Variants in NPIPB4 observed in about 807,000 individuals in gnomAD.
The protein encoded by NPIPB4 is nuclear pore complex interacting protein family member B4.
For missense variants in NPIPB4, 105 were observed against 513.7 expected (o/e 0.20, Z 7.69); for synonymous variants, 31 against 194.1 (o/e 0.16, Z 6.99).
intron 2 of NPIPB4, among the ~76,000 whole-genome samples, chr16:21,850,099 T>TA (rs1228659552): frequency 9.5e-6 from 1 of 104,912 alleles, no homozygotes; most frequent in East Asian, 2.6e-4. Flanking sequence ...CTATCTCTAC[T>TA]AAAAATACAA....
At chr16:21,845,880 TTAAAAACTTCCCC>T (rs1902088421) in intron 3 of NPIPB4, among the ~76,000 whole-genome samples, 1 of 129,566 alleles carries the variant, frequency 7.7e-6, no homozygotes, top group African/African-American at 3.0e-5. Context: ...AGTGGTAAAT[TTAAAAACTTCCCC>T]TGGCTCACGT....
intron 2 of NPIPB4, among the ~76,000 whole-genome samples, chr16:21,850,651 G>A (rs1414842820): frequency 7.0e-4 from 29 of 41,264 alleles, no homozygotes; most frequent in African/African-American, 4.0e-3. Flanking sequence ...CAGCCTGGGC[G>A]ACAGAGTGAG....
At position 21,837,319 on chromosome 16, in the gene NPIPB4, G is replaced by T. The variant is rs1197946432; in HGVS notation, c.1068C>A (p.Pro356=). The T allele has an allele frequency of 5.3e-6, 7 of 1,310,210 alleles. No individual in the cohort carries two copies. Among genetic ancestry groups the T allele is most frequent in the Non-Finnish European group, 5.8e-6 (6 of 1,041,720 alleles). The allele number at this position is 1,310,210 out of a possible 1,614,324, so 81.2% of individuals were successfully genotyped here. Residue 356 remains proline, a synonymous_variant, in exon 8 of 8, where the codon CCC becomes CCA. Coordinates refer to ENST00000682606, the MANE Select transcript of NPIPB4 (RefSeq NM_001384980.1). ...LLTPLPPSAL[P]SAPPSADDNL... ...TATCATCCGCTGAGGGTGGAGCTGAGGGTAGAGCTGAGGGTGGAAGGGGAG... is the reference window on the plus strand; with the variant it reads ...TATCATCCGCTGAGGGTGGAGCTGATGGTAGAGCTGAGGGTGGAAGGGGAG...
chr16:21,842,046 T>C (rs1901843656), intron 5 of NPIPB4, among the ~76,000 whole-genome samples: 1 of 151,156 alleles, frequency 6.6e-6, no homozygotes, highest in Non-Finnish European at 1.5e-5. Context: ...CCCCTGACCA[T>C]CCCCCAGAAG....
intron 5 of NPIPB4, among the ~76,000 whole-genome samples, chr16:21,840,369 C>G (rs1361495374): frequency 4.3e-4 from 25 of 58,184 alleles, no homozygotes; most frequent in Non-Finnish European, 1.4e-4. Context: ...CCATTTTCCT[C>G]TGCCTCTGAT....
At chr16:21,840,565 C>T (rs1901680555) in intron 5 of NPIPB4, among the ~76,000 whole-genome samples, 1 of 149,492 alleles carries the variant, frequency 6.7e-6, no homozygotes, top group Non-Finnish European at 1.5e-5. Context: ...AACTGATTCT[C>T]ACAACCGAAG....
chr16:21,841,927 T>C (rs1901826572), intron 5 of NPIPB4, among the ~76,000 whole-genome samples: 1 of 151,550 alleles, frequency 6.6e-6, no homozygotes, highest in Admixed American at 6.6e-5. Flanking sequence ...CTGGCTCTGG[T>C]TGAGACCCAG....
intron 3 of NPIPB4, among the ~76,000 whole-genome samples, chr16:21,845,659 TG>T (rs1338930569): frequency 3.3e-5 from 1 of 30,010 alleles, no homozygotes; most frequent in Non-Finnish European, 6.2e-5. Flanking sequence ...GAAAGGTAGC[TG>T]GCCCAGTTTG....
Position 21,837,363 on chromosome 16 carries a change from G to T in NPIPB4, c.1024C>A (p.Pro342Thr). Reference sequence around the variant, plus strand: ...AGGGGAGTGAGCAGACACTCGGGAGGTGTCTTGAGTTTATCATCCGCTGAG... The same window carrying T: ...AGGGGAGTGAGCAGACACTCGGGAGTTGTCTTGAGTTTATCATCCGCTGAG... ...PPSADDKLKT[P>T]PECLLTPLPP... The change falls in exon 8 of 8, where the codon CCT (proline) becomes ACT (threonine). Residue 342 changes from proline (P) to threonine (T), a missense_variant. Physicochemically the swap from Pro to Thr is conservative, Grantham distance 38. Coordinates refer to ENST00000682606, the MANE Select transcript of NPIPB4 (RefSeq NM_001384980.1). The T allele has an allele frequency of 7.5e-7, 1 of 1,336,618 alleles. No individual in the cohort carries two copies. The highest frequency in any genetic ancestry group is 9.4e-7 in the Non-Finnish European group (1 of 1,067,384). The allele number at this position is 1,336,618 out of a possible 1,614,324, so 82.8% of individuals were successfully genotyped here.
At chr16:21,840,456 C>G (rs888000377) in intron 5 of NPIPB4, among the ~76,000 whole-genome samples, 1 of 147,132 alleles carries the variant, frequency 6.8e-6, no homozygotes, top group African/African-American at 2.5e-5. Flanking sequence ...GAAATGCACA[C>G]ACATGATCCA....
intron 5 of NPIPB4, among the ~76,000 whole-genome samples, chr16:21,840,452 C>A (rs1193274884): frequency 6.8e-6 from 1 of 146,396 alleles, no homozygotes. Flanking sequence ...GAGAGAAATG[C>A]ACACACATGA....
At chr16:21,850,003 T>A (rs1902348646) in intron 2 of NPIPB4, among the ~76,000 whole-genome samples, 1 of 21,366 alleles carries the variant, frequency 4.7e-5, no homozygotes, top group Admixed American at 5.2e-4. Context: ...GGTTCACGCC[T>A]GTAATCCCAA....
At chr16:21,850,010 C>T (rs1210688069) in intron 2 of NPIPB4, among the ~76,000 whole-genome samples, 1 of 49,454 alleles carries the variant, frequency 2.0e-5, no homozygotes, top group East Asian at 4.4e-4. Flanking sequence ...GCCTGTAATC[C>T]CAACGCTTTG....
chr16:21,851,261 A>T (rs1597919693), intron 2 of NPIPB4: 6 of 9,808 alleles, frequency 6.1e-4, no homozygotes, highest in Non-Finnish European at 1.0e-3. Context: ...TGAGTTGGGG[A>T]GGGGAGGGGG....
intron 5 of NPIPB4, among the ~76,000 whole-genome samples, chr16:21,841,995 G>T (rs1466622133): frequency 6.6e-6 from 1 of 151,642 alleles, no homozygotes; most frequent in Non-Finnish European, 1.5e-5. Context: ...TGTAGGGACT[G>T]AGCCTGCACC....
intron 5 of NPIPB4, chr16:21,840,035 G>A (rs1597909307): frequency 3.8e-5 from 1 of 26,020 alleles, no homozygotes; most frequent in East Asian, 1.2e-3. Context: ...TCCTAAGGAT[G>A]ACAACAACTC....
At chr16:21,843,301 GA>G in intron 5 of NPIPB4, 84 bp downstream of exon 5, 5 of 976,096 alleles carry the variant, frequency 5.1e-6, no homozygotes, top group Middle Eastern at 3.3e-4. Flanking sequence ...AAATATTGTA[GA>G]AAATATTCTC....
At chr16:21,850,003 T>TATCATTACAAAA (rs1194565090) in intron 2 of NPIPB4, among the ~76,000 whole-genome samples, 1 of 21,360 alleles carries the variant, frequency 4.7e-5, no homozygotes, top group East Asian at 7.5e-4. Context: ...GGTTCACGCC[T>TATCATTACAAAA]GTAATCCCAA....
At chr16:21,840,219 G>A (rs1203138270) in intron 5 of NPIPB4, among the ~76,000 whole-genome samples, 3 of 28,714 alleles carry the variant, frequency 1.0e-4, no homozygotes, top group East Asian at 9.7e-4. Flanking sequence ...TCTTCTGACC[G>A]TTTGTTTCTA....
Sources: gnomAD v4.1 joint callset for allele counts (sites outside exome capture counted in the v4.1 genomes callset) on GRCh38, gnomAD v4.1.1 for gene constraint, MANE v1.5 for transcripts, NCBI Gene and HGNC (gene_info 2026-07-23, HGNC 2026-07-21) for gene names.